CSRP1: variants seen among roughly 807,000 people sequenced by gnomAD.
The protein encoded by CSRP1 is cysteine and glycine rich protein 1.
Under a neutral mutation model 25.4 loss-of-function variants are expected in CSRP1, and 16 were observed. The observed-to-expected ratio is 0.63, with a 90% CI of 0.43 to 0.96. The LOEUF (loss-of-function observed/expected upper bound fraction) is 0.96. CSRP1 is among the 40% of genes least tolerant of loss of function. CSRP1 has a pLI of 0.00. For missense variants in CSRP1, 212 were observed against 243.6 expected (o/e 0.87, Z 0.86); for synonymous variants, 97 against 95.3 (o/e 1.02, Z -0.10).
chr1:201,491,970 T>G (rs1664353286), intron 2 of CSRP1: 1 of 152,190 alleles, frequency 6.6e-6, no homozygotes, highest in Non-Finnish European at 1.5e-5. Flanking sequence ...TGTCCTGCTC[T>G]GGAGATCTCC....
In CSRP1 at chr1:201,502,860, C is replaced by T. The variant is rs376294971; in HGVS notation, c.-2+4210G>A. ...TCTTGGAGTTCAGAAGTTTGCAGGG[C>T]GCAGTGGCTCATTCCTATAATCCTA... On this transcript the variant is annotated intron_variant, in intron 1 of 5. Coordinates refer to ENST00000340006, the MANE Select transcript of CSRP1 (RefSeq NM_004078.3). Among the ~76,000 whole-genome samples the T allele has an allele frequency of 7.2e-5, 11 of 152,110 alleles. No individual in the cohort carries two copies. The East Asian group carries it at 7.7e-4, about 11-fold the overall frequency.
chr1:201,492,098 C>G (rs908748298), intron 2 of CSRP1: 1 of 152,176 alleles, frequency 6.6e-6, no homozygotes, highest in Non-Finnish European at 1.5e-5. Context: ...ACATTCCCTT[C>G]TAGGGTGGGA....
At chr1:201,490,583 T>A in intron 2 of CSRP1, 1 of 475,342 alleles carries the variant, frequency 2.1e-6, no homozygotes, top group Non-Finnish European at 3.8e-6. Context: ...CTTCCAGGAA[T>A]CCATATGTGT....
intron 2 of CSRP1, 57 bp from the exon 3 acceptor site, chr1:201,490,401 C>T: frequency 1.3e-6 from 2 of 1,570,986 alleles, no homozygotes; most frequent in Non-Finnish European, 8.7e-7. Flanking sequence ...GACCTTCTTG[C>T]TCATTGCAAG....
chr1:201,484,620 A>C lies in CSRP1; in HGVS notation c.*93T>G. On this transcript the variant is annotated 3_prime_UTR_variant, in exon 6 of 6. Coordinates refer to ENST00000340006, the MANE Select transcript of CSRP1 (RefSeq NM_004078.3). The stretch of plus-strand genomic sequence containing the variant: ...ATTAGTGATATGTGGCAGGGCTGAC[A>C]GAGAAATAATCCTGGAGGTCTCCAA... 8.4e-7 allele frequency: 1 copy of C among 1,192,556 alleles called. No individual in the cohort carries two copies. Among genetic ancestry groups the C allele is most frequent in the Non-Finnish European group, 1.2e-6 (1 of 829,354 alleles). 73.9% of individuals were successfully genotyped at this position (1,192,556 alleles called of 1,614,324 possible).
intron 1 of CSRP1, among the ~76,000 whole-genome samples, chr1:201,506,080 G>T (rs12031021): frequency 1.3e-5 from 2 of 152,106 alleles, no homozygotes; most frequent in African/African-American, 2.4e-5. Flanking sequence ...GGAAACCTGC[G>T]CGTTAAGTGG....
At chr1:201,504,789 G>A (rs1334652642) in intron 1 of CSRP1, among the ~76,000 whole-genome samples, 6 of 139,304 alleles carry the variant, frequency 4.3e-5, no homozygotes, top group Non-Finnish European at 7.5e-5. Context: ...ATAGTGAGAC[G>A]CTGTCTCCAA....
At position 201,497,612 on chromosome 1, in the gene CSRP1, C is replaced by T. The variant is rs569863269; in HGVS notation, c.-1-1308G>A. Among the ~76,000 whole-genome samples, 5 of 152,242 alleles carry T rather than the reference C, an allele frequency of 3.3e-5. No homozygotes were observed. The East Asian group carries it at 9.7e-4, about 29-fold the overall frequency. ...CTAGGTGTTGGTTCAGAGCTGGCGT[C>T]CTGATGCCATGCAGGTTTGGCTCAA... On this transcript the variant is annotated intron_variant, in intron 1 of 5. Transcript: ENST00000340006.
Position 201,502,227 on chromosome 1 carries a change from G to A in CSRP1, c.-2+4843C>T, listed in dbSNP as rs114292383. On this transcript the variant is annotated intron_variant, in intron 1 of 5. Transcript: ENST00000340006. ...TCCCTAGGGCCAAAGAGTGACTGAC[G>A]GCACAGGGTTAAAGTCCCCATCCAC... Among the ~76,000 whole-genome samples, 639 of 152,208 alleles carry A rather than the reference G, an allele frequency of 4.2e-3. 2 individuals are homozygous for A. The highest frequency in any genetic ancestry group is 0.014 in the African/African-American group (601 of 41,512).
intron 1 of CSRP1, among the ~76,000 whole-genome samples, chr1:201,501,340 G>A (rs971414251): frequency 2.0e-5 from 3 of 152,344 alleles, no homozygotes; most frequent in Admixed American, 6.5e-5. Context: ...CTAGCCCAGC[G>A]AATGAGTCTG....
At chr1:201,504,050 G>C (rs1051236173) in intron 1 of CSRP1, among the ~76,000 whole-genome samples, 1 of 152,186 alleles carries the variant, frequency 6.6e-6, no homozygotes, top group Non-Finnish European at 1.5e-5. Context: ...CCACTGTAAA[G>C]CACCTTGTAA....
At chr1:201,502,756 A>G (rs1473135449) in intron 1 of CSRP1, among the ~76,000 whole-genome samples, 1 of 152,072 alleles carries the variant, frequency 6.6e-6, no homozygotes, top group Admixed American at 6.5e-5. Flanking sequence ...CCCTTGTGAG[A>G]CTGTGAGCTG....
At chr1:201,504,797 C>CAA (rs113551862) in intron 1 of CSRP1, among the ~76,000 whole-genome samples, 4 of 133,874 alleles carry the variant, frequency 3.0e-5, no homozygotes, top group Non-Finnish European at 6.6e-5. Context: ...ACGCTGTCTC[C>CAA]AAAAAAAAAA....
Position 201,488,840 on chromosome 1 carries a change from C to T in CSRP1, c.411+15G>A, listed in dbSNP as rs748757161. Reference sequence around the variant, plus strand: ...TATCTCCCCCCATCCCTCTCATGCCCAGCAGCCACCTTACCTTCCCAGCAC... The same window carrying T: ...TATCTCCCCCCATCCCTCTCATGCCTAGCAGCCACCTTACCTTCCCAGCAC... On this transcript the variant is annotated intron_variant, in intron 4 of 5. Transcript: ENST00000340006. The T allele has an allele frequency of 1.2e-6, 2 of 1,611,464 alleles. No individual in the cohort carries two copies. Among genetic ancestry groups the T allele is most frequent in the East Asian group, 2.2e-5 (1 of 44,810 alleles).
intron 4 of CSRP1, 54 bp from the exon 5 acceptor site, chr1:201,485,430 C>T: frequency 1.3e-6 from 2 of 1,496,960 alleles, no homozygotes; most frequent in Non-Finnish European, 1.9e-6. Flanking sequence ...GGGTACCCTC[C>T]ACCCCAGGCC....
chr1:201,484,591 A>G lies in CSRP1; in HGVS notation c.*122T>C. 1 of 969,504 alleles carries G rather than the reference A, an allele frequency of 1.0e-6. No homozygotes were observed. Among genetic ancestry groups the G allele is most frequent in the Non-Finnish European group, 1.6e-6 (1 of 643,276 alleles). 60.1% of individuals were successfully genotyped at this position (969,504 alleles called of 1,614,324 possible). On this transcript the variant is annotated 3_prime_UTR_variant, in exon 6 of 6. Coordinates refer to ENST00000340006, the MANE Select transcript of CSRP1 (RefSeq NM_004078.3). ...AAAGGGAGCCAGATGCCCAAGTTCA[A>G]GTCATTAGTGATATGTGGCAGGGCT... is the stretch of plus-strand genomic sequence containing the variant.
At chr1:201,499,154 T>C (rs1174193285) in intron 1 of CSRP1, among the ~76,000 whole-genome samples, 1 of 152,196 alleles carries the variant, frequency 6.6e-6, no homozygotes, top group Non-Finnish European at 1.5e-5. Flanking sequence ...TAGCTGCCCT[T>C]GTCAAGCAAA....
Position 201,489,087 on chromosome 1 carries a change from G to A in CSRP1, c.282-103C>T, listed in dbSNP as rs549274905. ...TACCTTCATCTCATGCCAGAGCAGC[G>A]CGCAATTCTCTCTGCCAAAGTCACA... On this transcript the variant is annotated intron_variant, in intron 3 of 5. Coordinates refer to ENST00000340006, the MANE Select transcript of CSRP1 (RefSeq NM_004078.3). 98 of 1,470,446 alleles carry A rather than the reference G, an allele frequency of 6.7e-5. 1 individual carries two copies. In the South Asian group the frequency reaches 8.2e-4, roughly 12 times the overall value. The allele number at this position is 1,470,446 out of a possible 1,614,324, so 91.1% of individuals were successfully genotyped here.
At chr1:201,503,929 G>A (rs981015565) in intron 1 of CSRP1, among the ~76,000 whole-genome samples, 3 of 152,164 alleles carry the variant, frequency 2.0e-5, no homozygotes, top group South Asian at 2.1e-4. Flanking sequence ...CTAACTCTCA[G>A]GGGTCCCCTC....
Sources: allele counts gnomAD v4.1 joint callset (sites outside exome capture counted in the v4.1 genomes callset), GRCh38; gene constraint gnomAD v4.1.1; transcripts MANE v1.5; gene names NCBI Gene and HGNC (gene_info 2026-07-23, HGNC 2026-07-21).